The following CFAP43 variants were observed in gnomAD, a reference collection of about 807,000 sequenced individuals.
CFAP43 encodes cilia- and flagella-associated protein 43.
A neutral mutation model predicts 218.9 loss-of-function variants in CFAP43; 155 were observed. The observed-to-expected ratio is 0.71, with a 90% CI of 0.62 to 0.81. The LOEUF (loss-of-function observed/expected upper bound fraction) is 0.81. Among genes scored for constraint, CFAP43 ranks in the 30% least tolerant of loss-of-function variants. CFAP43 has a pLI of 0.00. For synonymous variants in CFAP43, 645 were observed against 681.3 expected, an observed-to-expected ratio of 0.95 and a Z score of 0.83; for missense variants, 1,778 against 1,954.3, an observed-to-expected ratio of 0.91 and a Z score of 1.70.
At chr10:104,130,688 A>T (rs944524714) in intron 37 of CFAP43, among the ~76,000 whole-genome samples, 2 of 152,190 alleles carry the variant, frequency 1.3e-5, no homozygotes, top group African/African-American at 4.8e-5. Context: ...ACTCATGGAC[A>T]TAAAGATGGT....
intron 2 of CFAP43, 103 bp downstream of exon 2, chr10:104,230,486 CA>C (rs898387198): frequency 7.7e-6 from 11 of 1,433,450 alleles, no homozygotes; most frequent in Middle Eastern, 2.1e-4. Context: ...AAAAAACAAA[CA>C]AAAAAAACCT....
rs2087668998 is a variant in CFAP43, at chr10:104,140,769, T to C, written c.4431+73A>G. On this transcript the variant is annotated intron_variant, in intron 34 of 37. Transcript: ENST00000357060. ...GGGTTAAGGCTGCAGTGAGCCATGA[T>C]TGTGCCACAAGACTCTAGCCTGAGT... 6.4e-6 allele frequency: 8 copies of C among 1,248,436 alleles called. No individual in the cohort carries two copies. The South Asian group carries it at 1.1e-4, about 17-fold the overall frequency. The allele number at this position is 1,248,436 out of a possible 1,614,324, so 77.3% of individuals were successfully genotyped here. A position where few individuals can be genotyped will look rare whatever the true frequency, so the allele number is the denominator to read the frequency against.
rs542590479 is a variant in CFAP43, at chr10:104,200,119, A to T, written c.1096-2081T>A. Among the ~76,000 whole-genome samples, 281 of 152,304 alleles carry T rather than the reference A, an allele frequency of 1.8e-3. 2 individuals are homozygous for T. Among genetic ancestry groups the T allele is most frequent in the Middle Eastern group, 0.017 (5 of 294 alleles). On this transcript the variant is annotated intron_variant, in intron 8 of 37. Transcript: ENST00000357060. ...GAGGCTCCAGAGGAAGGTCTTCAGG[A>T]CTCAGGCCTTAGTTATATATTAGAA...
chr10:104,150,994 A>T (rs1299127578), intron 28 of CFAP43, among the ~76,000 whole-genome samples: 1 of 151,984 alleles, frequency 6.6e-6, no homozygotes, highest in African/African-American at 2.4e-5. Flanking sequence ...AGCATATCAT[A>T]TTTGGTTTTC....
chr10:104,132,457 A>C lies in CFAP43; in HGVS notation c.4597-261T>G, dbSNP rs570225383. ...TAAAACCTTGTCTCTACTAAAAAAT[A>C]CAAAAAATTAGTTGGGCGTGGTGGC... is the stretch of plus-strand genomic sequence containing the variant. On this transcript the variant is annotated intron_variant, in intron 35 of 37. Transcript: ENST00000357060. The C allele has an allele frequency of 4.0e-5, 9 of 227,726 alleles. No homozygotes were observed. The South Asian group carries it at 1.5e-3, about 37-fold the overall frequency. 14.1% of individuals were successfully genotyped at this position (227,726 alleles called of 1,614,324 possible).
At chr10:104,176,788 A>G (rs1160976211) in intron 19 of CFAP43, among the ~76,000 whole-genome samples, 3 of 152,218 alleles carry the variant, frequency 2.0e-5, no homozygotes, top group Non-Finnish European at 4.4e-5. Flanking sequence ...CTGCTGAGCT[A>G]AATACCCACC....
chr10:104,176,802 G>A (rs1190686852), intron 19 of CFAP43, among the ~76,000 whole-genome samples: 2 of 152,070 alleles, frequency 1.3e-5, no homozygotes, highest in Non-Finnish European at 1.5e-5. Flanking sequence ...ACCCACCCAG[G>A]ATGGTTACAT....
chr10:104,161,924 C>T (rs2088896694), intron 26 of CFAP43, 37 bp downstream of exon 26: 3 of 1,586,908 alleles, frequency 1.9e-6, no homozygotes, highest in African/African-American at 2.7e-5. Context: ...TCTTTCCACC[C>T]CATTCCACCT....
Position 104,145,486 on chromosome 10 carries a change from G to A in CFAP43, c.3934C>T (p.Arg1312Cys), listed in dbSNP as rs201811267. The A allele has an allele frequency of 4.2e-5, 67 of 1,591,884 alleles. 1 individual carries two copies. The African/African-American group carries it at 4.8e-4, about 11-fold the overall frequency. ...GAAGGAGAAACAAACCTTGGTCGGC[G>A]TTTAAAAAGTTTGTAGAGTATATCC... ...QVDILYKLFKRRPRISKQKTH... is the reference protein window; with the variant it reads ...QVDILYKLFKCRPRISKQKTH... Residue 1312 changes from arginine (R) to cysteine (C), a missense_variant, in exon 31 of 38, where the codon CGC becomes TGC. Physicochemically the swap from Arg to Cys is radical, Grantham distance 180 (BLOSUM62 -3). Coordinates refer to ENST00000357060, the MANE Select transcript of CFAP43 (RefSeq NM_025145.7).
rs889666230 is a variant in CFAP43, at chr10:104,216,480, G to A, written c.417-2054C>T. On this transcript the variant is annotated intron_variant, in intron 3 of 37. Transcript: ENST00000357060. ...TGTAGGCACACCCCACCTGTGCCTC[G>A]CCTCACACCCACTTCACACGCCCAG... Among the ~76,000 whole-genome samples, 5 of 152,200 alleles carry A rather than the reference G, an allele frequency of 3.3e-5. No homozygotes were observed. The East Asian group carries it at 5.8e-4, about 18-fold the overall frequency.
intron 34 of CFAP43, 63 bp downstream of exon 34, chr10:104,140,779 A>T: frequency 7.5e-7 from 1 of 1,339,930 alleles, no homozygotes; most frequent in Non-Finnish European, 1.0e-6. Flanking sequence ...TTGTGCCACA[A>T]GACTCTAGCC....
intron 34 of CFAP43, among the ~76,000 whole-genome samples, chr10:104,137,681 G>A (rs538654756): frequency 2.6e-5 from 4 of 152,132 alleles, no homozygotes; most frequent in Non-Finnish European, 4.4e-5. Flanking sequence ...GTGGTGGCAC[G>A]TGCCTGTAAT....
rs775976815 is a variant in CFAP43 at position 104,193,908 on chromosome 10, A to G, written c.1400T>C (p.Val467Ala). 2 of 1,614,052 alleles carry G rather than the reference A, an allele frequency of 1.2e-6. No homozygotes were observed. The highest frequency in any genetic ancestry group is 2.7e-5 in the African/African-American group (2 of 74,920). ...SVYDKESPQV[V>A]HKAFLSESSV... is the part of the protein sequence containing the mutation. ...CGATTCCGAGAGAAAGGCCTTGTGC[A>G]CGACCTGAGGGGATTCCTTATCATA... Residue 467 changes from valine (V) to alanine (A), a missense_variant, in exon 11 of 38, where the codon GTG (valine) becomes GCG (alanine). Val to Ala is a moderately conservative substitution (Grantham distance 64, BLOSUM62 0). This residue lies in a region of CFAP43 where 1,553 missense variants were observed against 1,685.2 expected (regional missense o/e 0.92). Coordinates refer to ENST00000357060, the MANE Select transcript of CFAP43 (RefSeq NM_025145.7).
intron 18 of CFAP43, 53 bp from the exon 19 acceptor site, chr10:104,179,159 G>C (rs537824626): frequency 4.7e-4 from 237 of 502,214 alleles, no homozygotes; most frequent in Admixed American, 6.6e-4. Context: ...ATCAGACAGA[G>C]AGAGAGAGAG....
chr10:104,226,573 A>AG (rs1239748150), intron 2 of CFAP43, among the ~76,000 whole-genome samples: 4 of 152,100 alleles, frequency 2.6e-5, no homozygotes, highest in African/African-American at 9.7e-5. Flanking sequence ...GCCAAAAAAA[A>AG]AGAGAGAAAA....
At chr10:104,186,493 C>T (rs2090035230) in intron 14 of CFAP43, among the ~76,000 whole-genome samples, 1 of 152,136 alleles carries the variant, frequency 6.6e-6, no homozygotes, top group Non-Finnish European at 1.5e-5. Context: ...TTCCTACCTC[C>T]AAGCCTCTGC....
At chr10:104,163,142 G>T (rs560385222) in intron 24 of CFAP43, among the ~76,000 whole-genome samples, 2 of 152,152 alleles carry the variant, frequency 1.3e-5, no homozygotes, top group African/African-American at 4.8e-5. Context: ...GAACTCTAAG[G>T]CATGATGGTT....
Position 104,212,155 on chromosome 10 carries a change from G to A in CFAP43, c.587C>T (p.Ser196Leu), listed in dbSNP as rs371285570. 67 of 1,612,416 alleles carry A rather than the reference G, an allele frequency of 4.2e-5. No individual in the cohort carries two copies. Among genetic ancestry groups the A allele is most frequent in the South Asian group, 2.6e-4 (24 of 90,790 alleles). ...SNQEHCFRAR[S>L]VKLPLEDGSF... Reference sequence around the variant, plus strand: ...CCCATCTTCTAGAGGTAATTTCACCGACCTGTAGACAAAAGAGGCATCAGA... The same window carrying A: ...CCCATCTTCTAGAGGTAATTTCACCAACCTGTAGACAAAAGAGGCATCAGA... Residue 196 changes from serine to leucine, a missense_variant and splice_region_variant, in exon 5 of 38, where the codon TCG becomes TTG. This residue lies in a region of CFAP43 where 1,553 missense variants were observed against 1,685.2 expected (regional missense o/e 0.92). Transcript: ENST00000357060.
Position 104,197,991 on chromosome 10 carries a change from T to C in CFAP43, c.1143A>G (p.Lys381=). ...YTFGKEPTLN[K]VLDACDGKFQ... is the part of the protein sequence containing the mutation. ...ATTTCCCATCACAAGCATCTAGGAC[T>C]TTATTTAAGGTTGGCTCCTTACCAA... The change falls in exon 9 of 38, where the codon AAA becomes AAG. Residue 381 remains lysine, a synonymous_variant. Transcript: ENST00000357060. 6.2e-7 allele frequency: 1 copy of C among 1,613,878 alleles called. No homozygotes were observed. The highest frequency in any genetic ancestry group is 8.5e-7 in the Non-Finnish European group (1 of 1,179,806).
Sources: gnomAD v4.1 joint callset for allele counts (sites outside exome capture counted in the v4.1 genomes callset) on GRCh38, gnomAD v4.1.1 for gene constraint, gnomAD v4.1.1 regional missense constraint, MANE v1.5 for transcripts, NCBI Gene and HGNC (gene_info 2026-07-23, HGNC 2026-07-21) for gene names.